Variants in DPY19L4 observed in about 807,000 individuals in gnomAD.
DPY19L4 encodes the protein dpy-19 like 4.
Under a neutral mutation model 102.8 loss-of-function variants are expected in DPY19L4, and 97 were observed. That is an observed-to-expected ratio of 0.94 (90% CI 0.80 to 1.12). The LOEUF is 1.12. DPY19L4 is among the 50% of genes most tolerant of loss of function. The pLI is 0.00. For missense variants in DPY19L4, 815 were observed against 850.4 expected (o/e 0.96, Z 0.52); for synonymous variants, 252 against 283.1 (o/e 0.89, Z 1.10).
intron 2 of DPY19L4, among the ~76,000 whole-genome samples, chr8:94,730,342 A>T (rs1457441203): frequency 6.6e-6 from 1 of 152,216 alleles, no homozygotes; most frequent in Non-Finnish European, 1.5e-5. Context: ...TTGTATTTTA[A>T]GAGTTTGAGA....
Position 94,734,644 on chromosome 8 carries a change from C to G in DPY19L4, c.142C>G (p.Arg48Gly), listed in dbSNP as rs570665836. The change falls in exon 3 of 19, where the codon CGC (arginine) becomes GGC (glycine). Residue 48 changes from arginine (R) to glycine (G), a missense_variant. Arg to Gly is a moderately radical substitution (Grantham distance 125). Coordinates refer to ENST00000414645, the MANE Select transcript of DPY19L4 (RefSeq NM_181787.3). ...TACTTTTTCAGATGTATTATTTCAA[C>G]GCTTTGCAAAGATTTTCATTGGCTG... Reference protein sequence around the residue: ...ERAPKHVLFQRFAKIFIGCLA... With the variant: ...ERAPKHVLFQGFAKIFIGCLA... 62 of 1,613,406 alleles carry G rather than the reference C, an allele frequency of 3.8e-5. No homozygotes were observed. The highest frequency in any genetic ancestry group is 5.2e-5 in the Non-Finnish European group (61 of 1,179,754).
chr8:94,783,378 G>A (rs1417584501), intron 16 of DPY19L4, among the ~76,000 whole-genome samples: 1 of 152,096 alleles, frequency 6.6e-6, no homozygotes, highest in African/African-American at 2.4e-5. Flanking sequence ...CCCTTACTCT[G>A]CATTATTTTT....
chr8:94,732,494 C>A (rs1305890474), intron 2 of DPY19L4, among the ~76,000 whole-genome samples: 1 of 152,040 alleles, frequency 6.6e-6, no homozygotes, highest in Non-Finnish European at 1.5e-5. Flanking sequence ...GATTTCAAGA[C>A]CAGCCTGGGC....
At position 94,783,772 on chromosome 8, in the gene DPY19L4, T is replaced by C; in HGVS notation, c.1818T>C (p.Asn606=). The stretch of plus-strand genomic sequence containing the variant: ...TGGTGACAAGTTTGCCTCTTTACAA[T>C]GATGATGATCTTCTCAAGAGAAATG... ...GWMVTSLPLY[N]DDDLLKRNEN... The change falls in exon 17 of 19, where the codon AAT becomes AAC. Residue 606 remains asparagine (N), a synonymous_variant. Coordinates refer to ENST00000414645, the MANE Select transcript of DPY19L4 (RefSeq NM_181787.3). The C allele has an allele frequency of 6.2e-7, 1 of 1,614,106 alleles. No homozygotes were observed. The highest frequency in any genetic ancestry group is 1.3e-5 in the African/African-American group (1 of 75,036).
chr8:94,744,497 C>T (rs1271702551), intron 6 of DPY19L4: 2 of 456,598 alleles, frequency 4.4e-6, no homozygotes, highest in Non-Finnish European at 8.8e-6. Flanking sequence ...GCACAGACCC[C>T]TGGTACAGTG....
At chr8:94,765,371 G>A (rs1185704777) in intron 9 of DPY19L4, 57 bp downstream of exon 9, 33 of 1,501,344 alleles carry the variant, frequency 2.2e-5, no homozygotes, top group Non-Finnish European at 2.6e-5. Context: ...TTGAAGTGGA[G>A]TCTCACTCTG....
Position 94,790,829 on chromosome 8 carries a change from A to T in DPY19L4, c.*919A>T, listed in dbSNP as rs544852449. ...AATTAGCAACAATTTCTGGGGATAC[A>T]TGCAGATGTTGTTAAACGTACCTCT... On this transcript the variant is annotated 3_prime_UTR_variant, in exon 19 of 19. Transcript: ENST00000414645. The T allele has an allele frequency of 9.2e-5, 14 of 152,282 alleles. No individual in the cohort carries two copies. Among genetic ancestry groups the T allele is most frequent in the Admixed American group, 3.3e-4 (5 of 15,300 alleles). 9.4% of individuals were successfully genotyped at this position (152,282 alleles called of 1,614,324 possible).
At chr8:94,771,798 G>T (rs1812948940) in intron 13 of DPY19L4, among the ~76,000 whole-genome samples, 1 of 152,194 alleles carries the variant, frequency 6.6e-6, no homozygotes, top group South Asian at 2.1e-4. Context: ...AGGCTTTGTT[G>T]AGGACTTTGG....
intron 6 of DPY19L4, among the ~76,000 whole-genome samples, chr8:94,745,890 G>T (rs1811649159): frequency 6.6e-6 from 1 of 151,942 alleles, no homozygotes; most frequent in Non-Finnish European, 1.5e-5. Flanking sequence ...GAGTAGCTGG[G>T]ACTACAGGCA....
chr8:94,765,256 T>C lies in DPY19L4; in HGVS notation c.944T>C (p.Leu315Ser). The change falls in exon 9 of 19, where the codon TTG becomes TCG. Residue 315 changes from leucine to serine, a missense_variant. Coordinates refer to ENST00000414645, the MANE Select transcript of DPY19L4 (RefSeq NM_181787.3). ...GYLLQFENPA[L>S]LVSPLLSLVA... is the part of the protein sequence containing the mutation. The stretch of plus-strand genomic sequence containing the variant: ...TTACTACAGTTTGAGAATCCAGCTT[T>C]GTTGGTATCTCCTTTATTAAGTTTA... 1 of 1,610,342 alleles carries C rather than the reference T, an allele frequency of 6.2e-7. No homozygotes were observed. The highest frequency in any genetic ancestry group is 8.5e-7 in the Non-Finnish European group (1 of 1,179,052).
At position 94,719,936 on chromosome 8, in the gene DPY19L4, G is replaced by T; in HGVS notation, c.-63G>T. 6.9e-7 allele frequency: 1 copy of T among 1,454,836 alleles called. No individual in the cohort carries two copies. Among genetic ancestry groups the T allele is most frequent in the African/African-American group, 1.5e-5 (1 of 67,886 alleles). 90.1% of individuals were successfully genotyped at this position (1,454,836 alleles called of 1,614,324 possible). On this transcript the variant is annotated 5_prime_UTR_variant, in exon 1 of 19. Transcript: ENST00000414645. The stretch of plus-strand genomic sequence containing the variant: ...CCCGGAGGCCGAGGGGTTCGGCGAC[G>T]CGGAGGGAGGGAGAGTCTGGGCCGC...
In DPY19L4 at chr8:94,754,482, A is replaced by T. The variant is rs185811795; in HGVS notation, c.612-1554A>T. Among the ~76,000 whole-genome samples the T allele has an allele frequency of 1.3e-4, 20 of 152,332 alleles. No individual in the cohort carries two copies. In the East Asian group the frequency reaches 3.9e-3, roughly 29 times the overall value. On this transcript the variant is annotated intron_variant, in intron 6 of 18. Transcript: ENST00000414645. ...CCTGATTGGTGTAATTGGAAATATA[A>T]TTACCAACTCTGATACCAGTATTCA...
chr8:94,753,704 CT>C (rs1350965612), intron 6 of DPY19L4, among the ~76,000 whole-genome samples: 2 of 152,010 alleles, frequency 1.3e-5, no homozygotes, highest in Non-Finnish European at 2.9e-5. Flanking sequence ...AACCTCATCT[CT>C]ACTAAAAATA....
At chr8:94,764,554 C>T (rs1439822752) in intron 8 of DPY19L4, among the ~76,000 whole-genome samples, 7 of 128,116 alleles carry the variant, frequency 5.5e-5, no homozygotes, top group Non-Finnish European at 1.1e-4. Flanking sequence ...CTAGCCTGGG[C>T]GACAGAGCGA....
At chr8:94,769,066 T>G (rs909364983) in intron 12 of DPY19L4, among the ~76,000 whole-genome samples, 8 of 149,260 alleles carry the variant, frequency 5.4e-5, no homozygotes, top group African/African-American at 1.2e-4. Flanking sequence ...TTTTTTGTTT[T>G]TTTTTTTTTT....
intron 2 of DPY19L4, among the ~76,000 whole-genome samples, chr8:94,734,111 G>T (rs1344560038): frequency 6.7e-6 from 1 of 148,826 alleles, no homozygotes; most frequent in Non-Finnish European, 1.5e-5. Context: ...CCAGGCTGGA[G>T]TGCAGTGGCA....
At chr8:94,761,219 A>G (rs188848837) in intron 7 of DPY19L4, among the ~76,000 whole-genome samples, 51 of 152,274 alleles carry the variant, frequency 3.3e-4, no homozygotes, top group African/African-American at 1.2e-3. Context: ...CAACTCCAGA[A>G]AGCAGCTACC....
chr8:94,735,581 G>A (rs978924530), intron 3 of DPY19L4, among the ~76,000 whole-genome samples: 6 of 152,168 alleles, frequency 3.9e-5, no homozygotes, highest in Admixed American at 3.9e-4. Flanking sequence ...TCTTAGGTAG[G>A]GGCAGTGGGA....
At chr8:94,776,693 G>A (rs191261705) in intron 13 of DPY19L4, among the ~76,000 whole-genome samples, 36 of 151,890 alleles carry the variant, frequency 2.4e-4, no homozygotes, top group East Asian at 1.6e-3. Context: ...GGCCAGGTGC[G>A]GTGGCTCATG....
Sources: allele counts gnomAD v4.1 joint callset (sites outside exome capture counted in the v4.1 genomes callset), GRCh38; gene constraint gnomAD v4.1.1; transcripts MANE v1.5; gene names NCBI Gene and HGNC (gene_info 2026-07-23, HGNC 2026-07-21).